Variants in ATP8A1 observed in about 807,000 individuals in gnomAD.
The protein encoded by ATP8A1 is phospholipid-transporting ATPase IA.
ATP8A1 carries 90 observed loss-of-function variants against 177.7 expected under a neutral mutation model. The ratio of observed to expected loss-of-function variants is 0.51; its 90% confidence interval spans 0.43 to 0.60. The LOEUF (loss-of-function observed/expected upper bound fraction) is 0.60, where lower values mean the gene tolerates loss of function less well. Ranked by LOEUF, ATP8A1 falls within the 20% of genes least tolerant of loss-of-function variation. The probability of loss-of-function intolerance (pLI) is 0.00; values close to 1 mark genes in which losing one functional copy is unlikely to be tolerated. For missense variants in ATP8A1, 1,072 were observed against 1,392.8 expected (o/e 0.77, Z 3.67); for synonymous variants, 493 against 485.9 (o/e 1.01, Z -0.19).
At chr4:42,550,427 T>C (rs757749653) in intron 18 of ATP8A1, among the ~76,000 whole-genome samples, 8 of 152,194 alleles carry the variant, frequency 5.3e-5, no homozygotes, top group Non-Finnish European at 1.0e-4. Context: ...CCAAGTCTTT[T>C]TAGAAACAGA....
At chr4:42,633,814 T>TA (rs1739000790) in intron 1 of ATP8A1, among the ~76,000 whole-genome samples, 1 of 152,190 alleles carries the variant, frequency 6.6e-6, no homozygotes. Flanking sequence ...GCTGCTATTT[T>TA]ACACTGAATG....
chr4:42,618,646 C>T (rs533766356), intron 4 of ATP8A1, among the ~76,000 whole-genome samples: 1 of 152,278 alleles, frequency 6.6e-6, no homozygotes, highest in East Asian at 1.9e-4. Flanking sequence ...TGTGCCAGGC[C>T]CTGTTACTGT....
intron 24 of ATP8A1, among the ~76,000 whole-genome samples, chr4:42,496,808 C>T (rs1340734512): frequency 6.6e-6 from 1 of 151,948 alleles, no homozygotes; most frequent in Middle Eastern, 3.2e-3. Flanking sequence ...ATATACCCCC[C>T]CCCACACATA....
At chr4:42,472,451 CAAGA>C (rs1720536182) in intron 25 of ATP8A1, 2 of 308,162 alleles carry the variant, frequency 6.5e-6, no homozygotes, top group South Asian at 5.8e-5. Context: ...GGAAATGTTA[CAAGA>C]AAGAGAAATT....
intron 24 of ATP8A1, among the ~76,000 whole-genome samples, chr4:42,496,802 AC>A (rs34248851): frequency 0.65 from 98,026 of 151,522 alleles, 32,031 homozygotes; most frequent in African/African-American, 0.72. Context: ...ATGCACATAT[AC>A]CCCCCCCCAC....
At chr4:42,497,710 C>T (rs1272854829) in intron 24 of ATP8A1, among the ~76,000 whole-genome samples, 1 of 152,120 alleles carries the variant, frequency 6.6e-6, no homozygotes, top group Non-Finnish European at 1.5e-5. Context: ...CTTTTTCAAC[C>T]ACGTACTTTG....
At chr4:42,577,477 A>C (rs1385761363) in intron 12 of ATP8A1, among the ~76,000 whole-genome samples, 2 of 152,162 alleles carry the variant, frequency 1.3e-5, no homozygotes, top group Non-Finnish European at 2.9e-5. Context: ...AATATTGTTC[A>C]TATTGAAAGA....
At chr4:42,571,532 T>G (rs2109318944) in intron 14 of ATP8A1, among the ~76,000 whole-genome samples, 1 of 152,124 alleles carries the variant, frequency 6.6e-6, no homozygotes, top group African/African-American at 2.4e-5. Context: ...CTATTGAGAT[T>G]TGTGGCCCCT....
chr4:42,475,854 T>C (rs1721005903), intron 25 of ATP8A1, among the ~76,000 whole-genome samples: 1 of 151,110 alleles, frequency 6.6e-6, no homozygotes, highest in Non-Finnish European at 1.5e-5. Context: ...CCTGGCCAAC[T>C]TGGTAAAATA....
At chr4:42,641,450 T>C (rs1739985747) in intron 1 of ATP8A1, among the ~76,000 whole-genome samples, 1 of 152,144 alleles carries the variant, frequency 6.6e-6, no homozygotes, top group Admixed American at 6.5e-5. Context: ...ATTAAATGAC[T>C]TCTAAGTTCC....
chr4:42,453,098 G>C (rs1718108073), intron 29 of ATP8A1, among the ~76,000 whole-genome samples: 1 of 152,198 alleles, frequency 6.6e-6, no homozygotes, highest in Non-Finnish European at 1.5e-5. Flanking sequence ...GAAAGCACAG[G>C]TGGGTGCAAG....
At chr4:42,428,640 T>C (rs117016611) in intron 33 of ATP8A1, among the ~76,000 whole-genome samples, 1 of 152,336 alleles carries the variant, frequency 6.6e-6, no homozygotes, top group East Asian at 1.9e-4. Context: ...GCAAATTCGA[T>C]GTTAGCAGTT....
intron 17 of ATP8A1, among the ~76,000 whole-genome samples, 186 bp from the exon 18 acceptor site, chr4:42,551,466 A>G (rs1049144260): frequency 6.6e-6 from 1 of 152,204 alleles, no homozygotes; most frequent in Non-Finnish European, 1.5e-5. Flanking sequence ...TAATAATCTT[A>G]AGTGTTGGAG....
chr4:42,574,045 GAAAT>G (rs956298877), intron 14 of ATP8A1, among the ~76,000 whole-genome samples: 2 of 152,272 alleles, frequency 1.3e-5, no homozygotes, highest in East Asian at 3.9e-4. Flanking sequence ...CTGGAAGTAA[GAAAT>G]AAATTAAATG....
intron 9 of ATP8A1, among the ~76,000 whole-genome samples, chr4:42,585,055 G>A (rs909340702): frequency 1.3e-5 from 2 of 151,998 alleles, no homozygotes; most frequent in African/African-American, 4.8e-5. Flanking sequence ...TTTTCCACTT[G>A]AAGATCATGT....
At chr4:42,572,506 T>C (rs1214957600) in intron 14 of ATP8A1, among the ~76,000 whole-genome samples, 11 of 152,204 alleles carry the variant, frequency 7.2e-5, no homozygotes, top group African/African-American at 2.2e-4. Context: ...CTCTCTACGA[T>C]GCTAACAGTC....
At chr4:42,592,424 A>G (rs1476725744) in intron 6 of ATP8A1, among the ~76,000 whole-genome samples, 1 of 152,160 alleles carries the variant, frequency 6.6e-6, no homozygotes, top group Non-Finnish European at 1.5e-5. Flanking sequence ...TTTCCAACTT[A>G]AAATTAAATA....
chr4:42,477,761 C>T (rs1721229874), intron 25 of ATP8A1, among the ~76,000 whole-genome samples: 1 of 149,358 alleles, frequency 6.7e-6, no homozygotes, highest in Non-Finnish European at 1.5e-5. Flanking sequence ...CACTTGAGCC[C>T]AGGAGTTTGA....
intron 36 of ATP8A1, among the ~76,000 whole-genome samples, chr4:42,414,324 A>G (rs1712975639): frequency 6.6e-6 from 1 of 152,232 alleles, no homozygotes; most frequent in African/African-American, 2.4e-5. Context: ...ATAACAAGAC[A>G]GGGGCAGCTT....
Sources: allele counts gnomAD v4.1 joint callset (sites outside exome capture counted in the v4.1 genomes callset), GRCh38; gene constraint gnomAD v4.1.1; transcripts MANE v1.5; gene names NCBI Gene and HGNC (gene_info 2026-07-23, HGNC 2026-07-21).